Variants in KCTD16 observed in about 807,000 individuals in gnomAD.
The protein encoded by KCTD16 is BTB/POZ domain-containing protein KCTD16.
KCTD16 carries 13 observed loss-of-function variants against 33.2 expected under a neutral mutation model. The ratio of observed to expected loss-of-function variants is 0.39; its 90% CI spans 0.25 to 0.62. KCTD16 has a LOEUF of 0.62. KCTD16 is among the 20% of genes least tolerant of loss of function. The pLI is 0.50. For missense variants in KCTD16, 441 were observed against 525.1 expected (o/e 0.84, Z 1.57); for synonymous variants, 197 against 195.3 (o/e 1.01, Z -0.07).
chr5:144,212,308 G>A (rs1490613447), intron 3 of KCTD16, among the ~76,000 whole-genome samples: 3 of 152,114 alleles, frequency 2.0e-5, no homozygotes, highest in South Asian at 2.1e-4. Flanking sequence ...TCACTTCTAT[G>A]CCAAGCAAGA....
intron 3 of KCTD16, among the ~76,000 whole-genome samples, chr5:144,323,824 G>T (rs1361059351): frequency 6.6e-6 from 1 of 152,166 alleles, no homozygotes. Flanking sequence ...CATTAGATCA[G>T]CCCTATTAAA....
intron 3 of KCTD16, among the ~76,000 whole-genome samples, chr5:144,309,102 A>G (rs1751687070): frequency 6.6e-6 from 1 of 152,168 alleles, no homozygotes; most frequent in Non-Finnish European, 1.5e-5. Flanking sequence ...CACATTTCTC[A>G]TCACATTTCA....
At chr5:144,369,571 A>C (rs1021077608) in intron 3 of KCTD16, 7 of 152,188 alleles carry the variant, frequency 4.6e-5, no homozygotes, top group African/African-American at 1.7e-4. Context: ...ACAATTAAGG[A>C]ATCTTTCCAT....
chr5:144,385,875 T>G (rs1162389232), intron 3 of KCTD16, among the ~76,000 whole-genome samples: 1 of 152,172 alleles, frequency 6.6e-6, no homozygotes, highest in African/African-American at 2.4e-5. Flanking sequence ...TAACAGGACC[T>G]AATATTAACG....
chr5:144,433,684 G>A (rs78203445), intron 3 of KCTD16, among the ~76,000 whole-genome samples: 19 of 152,256 alleles, frequency 1.2e-4, no homozygotes, highest in Admixed American at 1.2e-3. Context: ...AGTAGACTGT[G>A]ATAAGGTCCT....
At chr5:144,233,148 A>G (rs1375979816) in intron 3 of KCTD16, among the ~76,000 whole-genome samples, 3 of 152,056 alleles carry the variant, frequency 2.0e-5, no homozygotes, top group Admixed American at 1.3e-4. Context: ...CAGTTACCTG[A>G]CATATTTTCA....
At chr5:144,464,511 G>A (rs546407763) in intron 3 of KCTD16, among the ~76,000 whole-genome samples, 2 of 152,142 alleles carry the variant, frequency 1.3e-5, no homozygotes, top group South Asian at 4.1e-4. Flanking sequence ...ATCCTACAGT[G>A]CAGAGGATGG....
chr5:144,441,011 T>C (rs1026475825), intron 3 of KCTD16, among the ~76,000 whole-genome samples: 2 of 151,936 alleles, frequency 1.3e-5, no homozygotes, highest in African/African-American at 4.8e-5. Flanking sequence ...GTCCTTGCGA[T>C]AGTTTGCTGA....
chr5:144,182,641 C>T (rs1299552016), intron 2 of KCTD16, among the ~76,000 whole-genome samples: 1 of 151,746 alleles, frequency 6.6e-6, no homozygotes, highest in African/African-American at 2.4e-5. Context: ...GTGCTTTTAC[C>T]ACACACACAC....
At chr5:144,468,900 C>T (rs1314329431) in intron 3 of KCTD16, among the ~76,000 whole-genome samples, 2 of 152,132 alleles carry the variant, frequency 1.3e-5, no homozygotes, top group African/African-American at 2.4e-5. Flanking sequence ...TCACTCAGCT[C>T]GGTTTGAATT....
intron 3 of KCTD16, among the ~76,000 whole-genome samples, chr5:144,219,884 A>G (rs569438432): frequency 1.3e-5 from 2 of 152,288 alleles, no homozygotes; most frequent in East Asian, 1.9e-4. Flanking sequence ...AACTGAGAGC[A>G]GATGGACCTG....
chr5:144,454,708 C>T (rs1754021997), intron 3 of KCTD16, among the ~76,000 whole-genome samples: 1 of 152,070 alleles, frequency 6.6e-6, no homozygotes, highest in Admixed American at 6.5e-5. Flanking sequence ...CTTCTTTACC[C>T]TATGGGTATA....
intron 3 of KCTD16, among the ~76,000 whole-genome samples, chr5:144,464,769 T>A (rs1754282443): frequency 6.6e-6 from 1 of 151,798 alleles, no homozygotes; most frequent in Non-Finnish European, 1.5e-5. Flanking sequence ...CTCTTCTTCT[T>A]CTTCTTCTTC....
chr5:144,270,175 A>G (rs1755254388), intron 3 of KCTD16, among the ~76,000 whole-genome samples: 1 of 152,018 alleles, frequency 6.6e-6, no homozygotes, highest in African/African-American at 2.4e-5. Context: ...TAAACTTTAT[A>G]TTCAAAAGAG....
intron 3 of KCTD16, among the ~76,000 whole-genome samples, chr5:144,284,571 C>T (rs1367709358): frequency 1.3e-5 from 2 of 152,126 alleles, no homozygotes; most frequent in African/African-American, 2.4e-5. Flanking sequence ...TAGTAAATGC[C>T]ATTCTCCAGT....
intron 3 of KCTD16, among the ~76,000 whole-genome samples, chr5:144,225,939 G>T (rs1490751417): frequency 6.6e-6 from 1 of 152,150 alleles, no homozygotes; most frequent in Non-Finnish European, 1.5e-5. Context: ...CAAAAAACTA[G>T]AAAGAAAAAC....
At chr5:144,288,098 C>T (rs961072982) in intron 3 of KCTD16, among the ~76,000 whole-genome samples, 4 of 152,098 alleles carry the variant, frequency 2.6e-5, no homozygotes, top group Non-Finnish European at 5.9e-5. Context: ...CTTCACAGGT[C>T]TGGAGTAGGG....
At chr5:144,254,308 T>C (rs1754784917) in intron 3 of KCTD16, among the ~76,000 whole-genome samples, 1 of 140,346 alleles carries the variant, frequency 7.1e-6, no homozygotes, top group Non-Finnish European at 1.6e-5. Flanking sequence ...AGCTAATTTT[T>C]TTTTTTTGTT....
intron 3 of KCTD16, among the ~76,000 whole-genome samples, chr5:144,407,579 G>A (rs904255171): frequency 6.6e-6 from 1 of 152,034 alleles, no homozygotes; most frequent in African/African-American, 2.4e-5. Flanking sequence ...TGTAGAATGT[G>A]CAGGTTTGTT....
Sources: allele counts gnomAD v4.1 joint callset (sites outside exome capture counted in the v4.1 genomes callset), GRCh38; gene constraint gnomAD v4.1.1; transcripts MANE v1.5; gene names NCBI Gene and HGNC (gene_info 2026-07-23, HGNC 2026-07-21).